The following DCC variants were observed in gnomAD, a reference collection of about 807,000 sequenced individuals.
DCC encodes netrin receptor DCC.
Under a neutral mutation model 172.5 loss-of-function variants are expected in DCC, and 58 were observed. The observed-to-expected ratio is 0.34, with a 90% CI of 0.27 to 0.42. DCC has a LOEUF of 0.42. Among genes scored for constraint, DCC ranks in the 10% least tolerant of loss-of-function variants. The pLI, the probability that DCC is intolerant of heterozygous loss-of-function variation, is 1.00. For synonymous variants in DCC, 709 were observed against 644.5 expected (o/e 1.10, Z -1.52); for missense variants, 1,740 against 1,791.0 (o/e 0.97, Z 0.51).
intron 1 of DCC, among the ~76,000 whole-genome samples, chr18:52,377,069 C>T (rs1985380917): frequency 1.3e-5 from 2 of 152,196 alleles, no homozygotes; most frequent in Non-Finnish European, 2.9e-5. Flanking sequence ...GAGAAAAGCG[C>T]TGACTGTTCC....
intron 8 of DCC, among the ~76,000 whole-genome samples, chr18:53,161,074 A>C (rs1394728331): frequency 1.3e-5 from 2 of 152,202 alleles, no homozygotes; most frequent in African/African-American, 2.4e-5. Flanking sequence ...CTTCCATTGC[A>C]ACAAATTTTG....
At chr18:52,464,497 G>T (rs928406839) in intron 1 of DCC, among the ~76,000 whole-genome samples, 4 of 152,144 alleles carry the variant, frequency 2.6e-5, no homozygotes, top group Non-Finnish European at 5.9e-5. Context: ...CTAAGGATTG[G>T]TGACTTTCCC....
chr18:52,549,511 T>G (rs936970834), intron 1 of DCC, among the ~76,000 whole-genome samples: 2 of 152,076 alleles, frequency 1.3e-5, no homozygotes, highest in Non-Finnish European at 2.9e-5. Context: ...AAAGAAGTGC[T>G]AATGACTTGT....
chr18:53,167,172 G>C (rs746132769), intron 8 of DCC, among the ~76,000 whole-genome samples: 12 of 152,132 alleles, frequency 7.9e-5, no homozygotes, highest in Non-Finnish European at 1.8e-4. Context: ...CAACTCACAA[G>C]TTGTAACTAA....
At chr18:53,319,884 A>G (rs188346678) in intron 13 of DCC, among the ~76,000 whole-genome samples, 1 of 152,154 alleles carries the variant, frequency 6.6e-6, no homozygotes, top group Admixed American at 6.5e-5. Context: ...CATCGACAAA[A>G]TACCTTCACA....
At chr18:52,434,450 A>G (rs1213892305) in intron 1 of DCC, among the ~76,000 whole-genome samples, 1 of 152,196 alleles carries the variant, frequency 6.6e-6, no homozygotes, top group East Asian at 1.9e-4. Context: ...ACCCTGATTG[A>G]GATAAAATGT....
At chr18:53,442,150 G>A (rs1330822322) in intron 22 of DCC, among the ~76,000 whole-genome samples, 4 of 152,100 alleles carry the variant, frequency 2.6e-5, no homozygotes, top group Admixed American at 6.5e-5. Flanking sequence ...AGTTATAATT[G>A]TAATTTTATA....
chr18:52,742,232 A>T (rs1407872044), intron 1 of DCC, among the ~76,000 whole-genome samples: 2 of 152,192 alleles, frequency 1.3e-5, no homozygotes, highest in Non-Finnish European at 2.9e-5. Context: ...GCAGACTATG[A>T]CAATATCCTT....
chr18:53,019,202 C>A (rs1251833854), intron 5 of DCC, among the ~76,000 whole-genome samples: 4 of 152,108 alleles, frequency 2.6e-5, no homozygotes, highest in Non-Finnish European at 4.4e-5. Flanking sequence ...TCATTTTTCC[C>A]AACTCAATGT....
At chr18:52,812,675 A>C (rs1038336067) in intron 2 of DCC, among the ~76,000 whole-genome samples, 2 of 152,240 alleles carry the variant, frequency 1.3e-5, no homozygotes, top group African/African-American at 4.8e-5. Context: ...CAGAAAACTC[A>C]GTGGCTTAAA....
chr18:53,051,016 G>C (rs999898804), intron 5 of DCC, among the ~76,000 whole-genome samples: 1 of 152,068 alleles, frequency 6.6e-6, no homozygotes, highest in Non-Finnish European at 1.5e-5. Context: ...GACTGCTTGA[G>C]CCCAGAAGTT....
chr18:52,771,645 T>C (rs2037345513), intron 2 of DCC, among the ~76,000 whole-genome samples: 1 of 152,214 alleles, frequency 6.6e-6, no homozygotes, highest in Admixed American at 6.5e-5. Flanking sequence ...ATTTTATCTA[T>C]GTGAGGGAGG....
At chr18:53,019,931 A>G (rs940737592) in intron 5 of DCC, among the ~76,000 whole-genome samples, 2 of 152,156 alleles carry the variant, frequency 1.3e-5, no homozygotes, top group African/African-American at 4.8e-5. Flanking sequence ...GGTTTTAAGG[A>G]ACATATTAGA....
intron 15 of DCC, among the ~76,000 whole-genome samples, chr18:53,351,651 T>A (rs758070637): frequency 2.0e-5 from 3 of 150,944 alleles, no homozygotes; most frequent in Non-Finnish European, 3.0e-5. Context: ...GGTGAAGTAT[T>A]ATGTAGGTCA....
chr18:53,344,440 C>CTTTTTTTTTTTT (rs71175582), intron 15 of DCC, among the ~76,000 whole-genome samples: 29 of 97,060 alleles, frequency 3.0e-4, no homozygotes, highest in Non-Finnish European at 4.4e-4. Context: ...TTTCGTTTTT[C>CTTTTTTTTTTTT]TTTTTTTTTT....
intron 1 of DCC, among the ~76,000 whole-genome samples, chr18:52,735,600 G>A (rs957578834): frequency 6.6e-6 from 1 of 150,962 alleles, no homozygotes; most frequent in Non-Finnish European, 1.5e-5. Flanking sequence ...TCAAGAGGCT[G>A]TGGCAAATCA....
chr18:52,634,422 T>C (rs774526367), intron 1 of DCC, among the ~76,000 whole-genome samples: 37 of 152,222 alleles, frequency 2.4e-4, no homozygotes, highest in Non-Finnish European at 4.7e-4. Context: ...TTAATTATTC[T>C]GGTTTAAAAA....
At chr18:53,337,601 A>G (rs2057606341) in intron 14 of DCC, among the ~76,000 whole-genome samples, 1 of 152,232 alleles carries the variant, frequency 6.6e-6, no homozygotes, top group Non-Finnish European at 1.5e-5. Context: ...TTTTTAGGGC[A>G]GACTAATAAT....
intron 5 of DCC, among the ~76,000 whole-genome samples, chr18:53,032,713 T>A (rs1207942172): frequency 6.6e-6 from 1 of 152,156 alleles, no homozygotes; most frequent in East Asian, 1.9e-4. Flanking sequence ...TAGTATACTC[T>A]GAGCTACTGT....
Sources: allele counts gnomAD v4.1 joint callset (sites outside exome capture counted in the v4.1 genomes callset), GRCh38; gene constraint gnomAD v4.1.1; transcripts MANE v1.5; gene names NCBI Gene and HGNC (gene_info 2026-07-23, HGNC 2026-07-21).